Variants in COL7A1 observed in about 807,000 individuals in gnomAD.
COL7A1 encodes collagen type VII alpha 1 chain.
COL7A1 carries 296 observed loss-of-function variants against 456.2 expected under a neutral mutation model. The observed-to-expected ratio is 0.65, with a 90% confidence interval of 0.59 to 0.71. The LOEUF (loss-of-function observed/expected upper bound fraction) is 0.71, where lower values mean the gene tolerates loss of function less well. Among genes scored for constraint, COL7A1 ranks in the 30% least tolerant of loss-of-function variants. COL7A1 has a pLI of 0.00. For missense variants in COL7A1, 3,441 were observed against 4,017.2 expected (o/e 0.86, Z 3.88); for synonymous variants, 1,464 against 1,525.9 (o/e 0.96, Z 0.95).
rs2044209394 is a variant in COL7A1, at chr3:48,575,248, A to T, written c.6181-6T>A. 6.2e-7 allele frequency: 1 copy of T among 1,613,816 alleles called. No individual in the cohort carries two copies. Among genetic ancestry groups the T allele is most frequent in the Non-Finnish European group, 8.5e-7 (1 of 1,179,978 alleles). ...CCTTTCTCTCCCCGTTCTCCCTGAA[A>T]TGCAAATAGCGGGTGAGGGCCAAGC... On this transcript the variant is annotated splice_polypyrimidine_tract_variant and splice_region_variant and intron_variant, in intron 74 of 118. Transcript: ENST00000681320. The surrounding 1 kb of genome is among the most constrained non-coding windows in gnomAD (Gnocchi z 6.3).
At position 48,592,590 on chromosome 3, in the gene COL7A1, A is replaced by G. The variant is rs746499429; in HGVS notation, c.956T>C (p.Val319Ala). Residue 319 changes from valine to alanine, a missense_variant, in exon 8 of 119, where the codon GTG becomes GCG. Physicochemically the swap from Val to Ala is moderately conservative, Grantham distance 64. Transcript: ENST00000681320. This position sits in a 1 kb window ranked among gnomAD's most constrained non-coding sequence, Gnocchi z 7.6. The stretch of plus-strand genomic sequence containing the variant: ...CTCACTGGTCCGAGCTGTCCCGCTC[A>G]CAGCCTCCCCGATGCTGTTGGCGTA... ...ALYANSIGEA[V>A]SGTARTTALE... 2 of 1,614,032 alleles carry G rather than the reference A, an allele frequency of 1.2e-6. No individual in the cohort carries two copies. The highest frequency in any genetic ancestry group is 4.5e-5 in the East Asian group (2 of 44,872).
At position 48,581,527 on chromosome 3, in the gene COL7A1, C is replaced by T. The variant is rs2044756948; in HGVS notation, c.4783-44G>A. 1.9e-6 allele frequency: 3 copies of T among 1,614,110 alleles called. No individual in the cohort carries two copies. The highest frequency in any genetic ancestry group is 1.7e-5 in the Admixed American group (1 of 60,024). On this transcript the variant is annotated intron_variant, in intron 50 of 118. Coordinates refer to ENST00000681320, the MANE Select transcript of COL7A1 (RefSeq NM_000094.4). The surrounding 1 kb of genome is among the most constrained non-coding windows in gnomAD (Gnocchi z 5.8). Reference sequence around the variant, plus strand: ...GGGCAGGACTTAGTCAGGGTCCCACCACCTCATCTCCCTCTGTCACACTCC... The same window carrying T: ...GGGCAGGACTTAGTCAGGGTCCCACTACCTCATCTCCCTCTGTCACACTCC...
At chr3:48,584,857 G>T in intron 34 of COL7A1, 53 bp downstream of exon 34, 1 of 1,613,918 alleles carries the variant, frequency 6.2e-7, no homozygotes, top group Non-Finnish European at 8.5e-7. Context: ...CTCCCACCCT[G>T]TGGAAGAACC....
At position 48,593,019 on chromosome 3, in the gene COL7A1, C is replaced by G. The variant is rs1050075952; in HGVS notation, c.683-81G>C. The G allele has an allele frequency of 1.2e-6, 2 of 1,612,688 alleles. No individual in the cohort carries two copies. The highest frequency in any genetic ancestry group is 1.1e-5 in the South Asian group (1 of 91,030). On this transcript the variant is annotated intron_variant, in intron 6 of 118. Transcript: ENST00000681320. The surrounding 1 kb of genome is among the most constrained non-coding windows in gnomAD (Gnocchi z 4.4). The stretch of plus-strand genomic sequence containing the variant: ...GCAGAGTTGGGGTCGGGGTCAGGAG[C>G]ACATAGGATGGAATCAGCACTGCCA...
In COL7A1 at chr3:48,574,510, G is replaced by C; in HGVS notation, c.6434C>G (p.Pro2145Arg). 2 of 1,614,030 alleles carry C rather than the reference G, an allele frequency of 1.2e-6. No individual in the cohort carries two copies. The highest frequency in any genetic ancestry group is 1.6e-4 in the Middle Eastern group (1 of 6,062). The stretch of plus-strand genomic sequence containing the variant: ...TACCGGGTTGCCGTCCTGACCCCTC[G>C]GTCCAGGCTCTCCCCGGTCTCCTTT... ...GIKGDRGEPG[P>R]RGQDGNPGLP... is the part of the protein sequence containing the mutation. Residue 2145 changes from proline (P) to arginine (R), a missense_variant, in exon 79 of 119, where the codon CCG becomes CGG. Around this residue, in one of 3 missense-constraint regions of COL7A1, gnomAD observed 2,084 missense variants for 2,501.3 expected, o/e 0.83. Transcript: ENST00000681320. The surrounding 1 kb of genome is among the most constrained non-coding windows in gnomAD (Gnocchi z 5.0).
Position 48,586,024 on chromosome 3 carries a change from C to T in COL7A1, c.3724-49G>A, listed in dbSNP as rs1208904873. On this transcript the variant is annotated intron_variant, in intron 28 of 118. Coordinates refer to ENST00000681320, the MANE Select transcript of COL7A1 (RefSeq NM_000094.4). The surrounding 1 kb of genome is among the most constrained non-coding windows in gnomAD (Gnocchi z 5.1). ...GGTTGAACATTTCTACCAAGAACCC[C>T]CAGACCCCTTATATTCTACCACCCA... 1.9e-6 allele frequency: 3 copies of T among 1,613,660 alleles called. No individual in the cohort carries two copies. The highest frequency in any genetic ancestry group is 1.6e-4 in the Middle Eastern group (1 of 6,062).
At position 48,585,095 on chromosome 3, in the gene COL7A1, G is replaced by T. The variant is rs775397461; in HGVS notation, c.3916C>A (p.Arg1306Ser). Reference protein sequence around the residue: ...GERGFPGADGRPGSPGRAGNP... With the variant: ...GERGFPGADGSPGSPGRAGNP... The stretch of plus-strand genomic sequence containing the variant: ...CCGGCGCGGCCAGGGCTGCCTGGAC[G>T]CCCATCTGCTCCAGGGAAGCCCTGA... The change falls in exon 33 of 119, where the codon CGT (arginine) becomes AGT (serine). Residue 1306 changes from arginine (R) to serine (S), a missense_variant. This residue lies in a region of COL7A1 where 2,084 missense variants were observed against 2,501.3 expected (regional missense o/e 0.83). Coordinates refer to ENST00000681320, the MANE Select transcript of COL7A1 (RefSeq NM_000094.4). This position sits in a 1 kb window ranked among gnomAD's most constrained non-coding sequence, Gnocchi z 4.5. The T allele has an allele frequency of 3.1e-6, 5 of 1,610,748 alleles. No individual in the cohort carries two copies. Among genetic ancestry groups the T allele is most frequent in the Middle Eastern group, 1.9e-4 (1 of 5,334 alleles).
In COL7A1 at chr3:48,585,134, T is replaced by A. The variant is rs764592262; in HGVS notation, c.3895-18A>T. 1.9e-6 allele frequency: 3 copies of A among 1,609,454 alleles called. No individual in the cohort carries two copies. Among genetic ancestry groups the A allele is most frequent in the Non-Finnish European group, 2.5e-6 (3 of 1,179,382 alleles). ...GGGAAGCCCTGAGGAGGTGAAGAGG[T>A]CAGGACAGGAAGGGACCCTCCCCCA... On this transcript the variant is annotated intron_variant, in intron 32 of 118. Coordinates refer to ENST00000681320, the MANE Select transcript of COL7A1 (RefSeq NM_000094.4). The surrounding 1 kb of genome is among the most constrained non-coding windows in gnomAD (Gnocchi z 4.5).
Position 48,594,678 on chromosome 3 carries a change from G to T in COL7A1, c.86-130C>A. On this transcript the variant is annotated intron_variant, in intron 2 of 118. Coordinates refer to ENST00000681320, the MANE Select transcript of COL7A1 (RefSeq NM_000094.4). The surrounding 1 kb of genome is among the most constrained non-coding windows in gnomAD (Gnocchi z 5.5). ...ATCTTATGCAAACCAGGGCCGAATC[G>T]GCCTGAGCCTGAGGGCCTTGGAGGG... is the stretch of plus-strand genomic sequence containing the variant. 2 of 1,156,416 alleles carry T rather than the reference G, an allele frequency of 1.7e-6. No homozygotes were observed. The highest frequency in any genetic ancestry group is 1.5e-5 in the South Asian group (1 of 68,662). 71.6% of individuals were successfully genotyped at this position (1,156,416 alleles called of 1,614,324 possible).
At position 48,586,571 on chromosome 3, in the gene COL7A1, T is replaced by G. The variant is rs768362979; in HGVS notation, c.3395A>C (p.Asn1132Thr). The G allele has an allele frequency of 6.2e-7, 1 of 1,613,744 alleles. No homozygotes were observed. The highest frequency in any genetic ancestry group is 1.7e-5 in the Admixed American group (1 of 60,030). ...RDMPYMDPSG[N>T]NLGTAVVTAH... ...CCTGCTGCAGTCCTCACCCAGGTTG[T>G]TCCCACTTGGGTCCATGTAGGGCAT... Residue 1132 changes from asparagine (N) to threonine (T), a missense_variant, in exon 26 of 119, where the codon AAC becomes ACC. Coordinates refer to ENST00000681320, the MANE Select transcript of COL7A1 (RefSeq NM_000094.4). This position sits in a 1 kb window ranked among gnomAD's most constrained non-coding sequence, Gnocchi z 5.1.
intron 1 of COL7A1, 42 bp from the exon 2 acceptor site, chr3:48,595,202 C>T (rs1337563151): frequency 6.6e-7 from 1 of 1,511,322 alleles, no homozygotes; most frequent in South Asian, 1.2e-5. Context: ...CGCCTCTGTC[C>T]CTTGCTCCCC....
In COL7A1 at chr3:48,579,319, G is replaced by A; in HGVS notation, c.5308-42C>T. The A allele has an allele frequency of 1.9e-6, 3 of 1,614,128 alleles. No homozygotes were observed. Among genetic ancestry groups the A allele is most frequent in the Non-Finnish European group, 1.7e-6 (2 of 1,180,008 alleles). On this transcript the variant is annotated intron_variant, in intron 61 of 118. Transcript: ENST00000681320. The surrounding 1 kb of genome is among the most constrained non-coding windows in gnomAD (Gnocchi z 4.4). ...GGTAAGAGGCCACCAAGGCTGAGGT[G>A]GATCTGATAACCCAGGCTCATGTCC...
rs866317128 is a variant in COL7A1 at position 48,564,284 on chromosome 3, C to T, written c.*122G>A. 9.0e-5 allele frequency: 110 copies of T among 1,226,040 alleles called. 1 individual carries two copies. In the Middle Eastern group the frequency reaches 2.2e-3, roughly 25 times the overall value. 75.9% of individuals were successfully genotyped at this position (1,226,040 alleles called of 1,614,324 possible). ...CCACGGGACCAAGTCACTGAAATAA[C>T]GGACGTGCACACGCACGCTCACGTG... is the stretch of plus-strand genomic sequence containing the variant. On this transcript the variant is annotated 3_prime_UTR_variant, in exon 119 of 119. Transcript: ENST00000681320. The surrounding 1 kb of genome is among the most constrained non-coding windows in gnomAD (Gnocchi z 6.0).
chr3:48,566,345 AG>A lies in COL7A1; in HGVS notation c.8359-31del. On this transcript the variant is annotated intron_variant, in intron 113 of 118. Transcript: ENST00000681320. The surrounding 1 kb of genome is among the most constrained non-coding windows in gnomAD (Gnocchi z 5.9). ...GAGCAGAAGACCACAGGGACCATAAAGAACCCATGGCCCACAGGAAGGACAT... is the reference window on the plus strand; with the variant it reads ...GAGCAGAAGACCACAGGGACCATAAAAACCCATGGCCCACAGGAAGGACAT... 6.2e-7 allele frequency: 1 copy of A among 1,605,554 alleles called. No individual in the cohort carries two copies. The highest frequency in any genetic ancestry group is 1.1e-5 in the South Asian group (1 of 89,906).
rs2043897101 is a variant in COL7A1 at position 48,571,214 on chromosome 3, C to A, written c.7104+29G>T. 1 of 1,614,002 alleles carries A rather than the reference C, an allele frequency of 6.2e-7. No individual in the cohort carries two copies. On this transcript the variant is annotated intron_variant, in intron 93 of 118. Coordinates refer to ENST00000681320, the MANE Select transcript of COL7A1 (RefSeq NM_000094.4). The surrounding 1 kb of genome is among the most constrained non-coding windows in gnomAD (Gnocchi z 4.6). The stretch of plus-strand genomic sequence containing the variant: ...CTCAGGGAGTCTCACGACCAGGACC[C>A]CAGCAGGGACCCTTCTGGGTACACA...
At position 48,569,347 on chromosome 3, in the gene COL7A1, A is replaced by C; in HGVS notation, c.7686+28T>G. 3 of 1,612,676 alleles carry C rather than the reference A, an allele frequency of 1.9e-6. No homozygotes were observed. The highest frequency in any genetic ancestry group is 2.5e-6 in the Non-Finnish European group (3 of 1,178,884). On this transcript the variant is annotated intron_variant, in intron 103 of 118. Transcript: ENST00000681320. This position sits in a 1 kb window ranked among gnomAD's most constrained non-coding sequence, Gnocchi z 4.9. ...AACCACCACAGCCACAGGACCCCAC[A>C]GAGAGTACACCACCCTCTTCCCTGT...
chr3:48,567,254 G>C lies in COL7A1; in HGVS notation c.8047-64C>G. 1 of 1,589,126 alleles carries C rather than the reference G, an allele frequency of 6.3e-7. No homozygotes were observed. Among genetic ancestry groups the C allele is most frequent in the Non-Finnish European group, 8.6e-7 (1 of 1,161,384 alleles). ...CCTCCCTCAGCTCTGGAACCTCCCT[G>C]AACTCCCATGAGCTCCCTGGCCTAA... On this transcript the variant is annotated intron_variant, in intron 109 of 118. Transcript: ENST00000681320. The surrounding 1 kb of genome is among the most constrained non-coding windows in gnomAD (Gnocchi z 4.3).
In COL7A1 at chr3:48,594,269, G is replaced by A; in HGVS notation, c.266+99C>T. 4 of 1,437,354 alleles carry A rather than the reference G, an allele frequency of 2.8e-6. No individual in the cohort carries two copies. Among genetic ancestry groups the A allele is most frequent in the Non-Finnish European group, 2.9e-6 (3 of 1,047,066 alleles). 89.0% of individuals were successfully genotyped at this position (1,437,354 alleles called of 1,614,324 possible). A position where few individuals can be genotyped will look rare whatever the true frequency, so the allele number is the denominator to read the frequency against. ...TCTAGGTTCCCCAAAACTTGTTTCT[G>A]CAAAGACCTGGCCTGGGGTTTCCAG... On this transcript the variant is annotated intron_variant, in intron 3 of 118. Transcript: ENST00000681320. This position sits in a 1 kb window ranked among gnomAD's most constrained non-coding sequence, Gnocchi z 5.5.
rs561262939 is a variant in COL7A1 at position 48,571,908 on chromosome 3, G to T, written c.7068+93C>A. 5 of 1,473,204 alleles carry T rather than the reference G, an allele frequency of 3.4e-6. No individual in the cohort carries two copies. The African/African-American group carries it at 5.6e-5, about 16-fold the overall frequency. The allele number at this position is 1,473,204 out of a possible 1,614,324, so 91.3% of individuals were successfully genotyped here. Reference sequence around the variant, plus strand: ...TTGGGACATGCAGCCCGACTCAGGGGCTCAGACATGTGCCCCGGCCCAAGA... The same window carrying T: ...TTGGGACATGCAGCCCGACTCAGGGTCTCAGACATGTGCCCCGGCCCAAGA... On this transcript the variant is annotated intron_variant, in intron 92 of 118. Coordinates refer to ENST00000681320, the MANE Select transcript of COL7A1 (RefSeq NM_000094.4). This position sits in a 1 kb window ranked among gnomAD's most constrained non-coding sequence, Gnocchi z 4.6.
Sources: allele counts gnomAD v4.1 joint callset, GRCh38; gene constraint gnomAD v4.1.1; regional missense constraint gnomAD v4.1.1; non-coding constraint Gnocchi (gnomAD v3.1); transcripts MANE v1.5; gene names NCBI Gene and HGNC (gene_info 2026-07-23, HGNC 2026-07-21).